STK3: variants seen among roughly 807,000 people sequenced by gnomAD.
The protein encoded by STK3 is serine/threonine kinase 3, also known as serine/threonine-protein kinase 3.
STK3 carries 41 observed loss-of-function variants against 58.0 expected under a neutral mutation model. The ratio of observed to expected loss-of-function variants is 0.71; its 90% confidence interval spans 0.55 to 0.92. The LOEUF is 0.92. Ranked by LOEUF, STK3 falls within the 40% of genes least tolerant of loss-of-function variation. STK3 has a pLI of 0.00. For synonymous variants in STK3, 170 were observed against 191.0 expected (o/e 0.89, Z 0.91); for missense variants, 479 against 602.7 (o/e 0.79, Z 2.15).
At chr8:98,855,666 T>C (rs555679263) in intron 3 of STK3, among the ~76,000 whole-genome samples, 68 of 152,194 alleles carry the variant, frequency 4.5e-4, no homozygotes, top group Admixed American at 9.8e-4. Context: ...ATATTAGACA[T>C]TGTCAACATT....
chr8:98,571,692 A>C (rs1428658501), intron 8 of STK3, among the ~76,000 whole-genome samples: 1 of 152,212 alleles, frequency 6.6e-6, no homozygotes, highest in Non-Finnish European at 1.5e-5. Flanking sequence ...AGTCATTAAT[A>C]AGTTAATATG....
intron 3 of STK3, among the ~76,000 whole-genome samples, chr8:98,877,684 T>C (rs987110928): frequency 1.3e-5 from 2 of 152,158 alleles, no homozygotes; most frequent in East Asian, 3.8e-4. Context: ...GGTTTCTCCA[T>C]GTTGGTCAGG....
chr8:98,694,619 C>T (rs956669948), intron 6 of STK3, among the ~76,000 whole-genome samples: 4 of 152,006 alleles, frequency 2.6e-5, no homozygotes, highest in South Asian at 2.1e-4. Flanking sequence ...CTTGTTCTTG[C>T]GATAGTTTAC....
chr8:98,843,312 GC>G (rs749225103), intron 3 of STK3, among the ~76,000 whole-genome samples: 9 of 152,110 alleles, frequency 5.9e-5, no homozygotes, highest in Non-Finnish European at 1.3e-4. Context: ...TCAACAAAGG[GC>G]CCATTTAACT....
intron 6 of STK3, among the ~76,000 whole-genome samples, chr8:98,640,747 A>G (rs1308204336): frequency 3.0e-4 from 45 of 151,722 alleles, no homozygotes; most frequent in Admixed American, 3.0e-3. Context: ...CCTAACAAAT[A>G]ATAAGCATAA....
intron 1 of STK3, chr8:98,904,766 A>T: frequency 1.4e-6 from 1 of 727,930 alleles, no homozygotes; most frequent in East Asian, 4.0e-5. Context: ...ACGCGGTTCC[A>T]CAATAGGAGG....
intron 1 of STK3, among the ~76,000 whole-genome samples, chr8:98,893,510 A>AAG (rs1838327736): frequency 7.0e-6 from 1 of 142,664 alleles, no homozygotes; most frequent in African/African-American, 2.5e-5. Flanking sequence ...GAAAGAAAGA[A>AAG]AGAAAGAAAG....
chr8:98,817,107 G>A (rs988954211), intron 1 of STK3, among the ~76,000 whole-genome samples: 3 of 152,052 alleles, frequency 2.0e-5, no homozygotes, highest in Non-Finnish European at 4.4e-5. Flanking sequence ...ACCTAAAAAC[G>A]GCTAGATATG....
intron 4 of STK3, among the ~76,000 whole-genome samples, chr8:98,748,257 A>C (rs957167026): frequency 6.6e-6 from 1 of 152,160 alleles, no homozygotes; most frequent in Non-Finnish European, 1.5e-5. Context: ...TCTGCCACTC[A>C]AGAATCATCT....
chr8:98,379,657 C>T (rs181943582), intron 1 of STK3, among the ~76,000 whole-genome samples: 1 of 152,264 alleles, frequency 6.6e-6, no homozygotes, highest in African/African-American at 2.4e-5. Context: ...CTCTCCTCCC[C>T]AGGATAATCA....
At chr8:98,747,253 A>C (rs1478299003) in intron 4 of STK3, among the ~76,000 whole-genome samples, 1 of 152,168 alleles carries the variant, frequency 6.6e-6, no homozygotes, top group Non-Finnish European at 1.5e-5. Context: ...TAAGAATAAC[A>C]ATATAAAATA....
chr8:98,388,308 T>A (rs1183046507), upstream of STK3: 7 of 152,214 alleles, frequency 4.6e-5, no homozygotes, highest in African/African-American at 1.7e-4. Flanking sequence ...CCCACTGTTA[T>A]AATGGAACTA....
chr8:98,544,303 G>A (rs1019247244), intron 9 of STK3, among the ~76,000 whole-genome samples: 3 of 152,068 alleles, frequency 2.0e-5, no homozygotes, highest in Non-Finnish European at 4.4e-5. Context: ...GCTTTTCATG[G>A]TCAAATAAGT....
chr8:98,390,744 G>C (rs574040164), upstream of STK3, among the ~76,000 whole-genome samples: 2 of 151,808 alleles, frequency 1.3e-5, no homozygotes, highest in Non-Finnish European at 2.9e-5. Context: ...TTTTTTCTCT[G>C]TTTTTTAGAT....
intron 3 of STK3, chr8:98,429,076 G>T: frequency 1.2e-6 from 2 of 1,613,236 alleles, no homozygotes; most frequent in Middle Eastern, 3.3e-4. Context: ...GCCTGCTGGT[G>T]GTGGGCTACC....
intron 3 of STK3, among the ~76,000 whole-genome samples, chr8:98,853,440 G>T (rs561801063): frequency 5.9e-5 from 9 of 152,294 alleles, no homozygotes; most frequent in African/African-American, 2.2e-4. Context: ...GCCTTGGTCT[G>T]TGTTTTCTTC....
chr8:98,909,373 C>T (rs371428835), intron 1 of STK3, among the ~76,000 whole-genome samples: 2 of 152,268 alleles, frequency 1.3e-5, no homozygotes, highest in Middle Eastern at 3.4e-3. Flanking sequence ...TACCACGCAA[C>T]TCACAAACGT....
chr8:98,826,584 C>T (rs1835318180), upstream of STK3, among the ~76,000 whole-genome samples: 1 of 152,214 alleles, frequency 6.6e-6, no homozygotes, highest in South Asian at 2.1e-4. Context: ...TCCTCTCCCC[C>T]AACCTGATTC....
intron 1 of STK3, among the ~76,000 whole-genome samples, chr8:98,793,745 G>A (rs1398219444): frequency 6.6e-6 from 1 of 151,912 alleles, no homozygotes; most frequent in Non-Finnish European, 1.5e-5. Context: ...AAGATACACT[G>A]TTCTCGTCTG....
Sources: allele counts gnomAD v4.1 joint callset (sites outside exome capture counted in the v4.1 genomes callset), GRCh38; gene constraint gnomAD v4.1.1; transcripts MANE v1.5; gene names NCBI Gene and HGNC (gene_info 2026-07-23, HGNC 2026-07-21).